MYT1L: variants seen among roughly 807,000 people sequenced by gnomAD.
MYT1L encodes the protein myelin transcription factor 1 like.
Under a neutral mutation model 126.7 loss-of-function variants are expected in MYT1L, and 12 were observed. The observed-to-expected ratio is 0.09, with a 90% CI of 0.06 to 0.15. MYT1L has a LOEUF of 0.15. MYT1L is among the 10% of genes least tolerant of loss of function. MYT1L has a pLI of 1.00. For synonymous variants in MYT1L, 541 were observed against 604.2 expected (o/e 0.90, Z 1.53); for missense variants, 979 against 1,585.2 (o/e 0.62, Z 6.49).
intron 1 of MYT1L, among the ~76,000 whole-genome samples, chr2:2,317,846 G>A (rs1258708967): frequency 6.6e-6 from 1 of 152,072 alleles, no homozygotes; most frequent in African/African-American, 2.4e-5. Flanking sequence ...TCATCCTCCT[G>A]ACCGTGCCCT....
chr2:2,259,065 T>C (rs2094889932), intron 2 of MYT1L, among the ~76,000 whole-genome samples: 2 of 9,542 alleles, frequency 2.1e-4, no homozygotes, highest in Non-Finnish European at 3.9e-4. Flanking sequence ...TATGCAGCCA[T>C]AAAAAATGAT....
At chr2:2,083,489 A>T (rs1334193725) in intron 3 of MYT1L, among the ~76,000 whole-genome samples, 1 of 152,226 alleles carries the variant, frequency 6.6e-6, no homozygotes, top group Non-Finnish European at 1.5e-5. Flanking sequence ...ACACAGTCTG[A>T]AGTGACTGAA....
rs1487162249 is a variant in MYT1L at position 1,791,372 on chromosome 2, T to C, written c.*495A>G. On this transcript the variant is annotated 3_prime_UTR_variant, in exon 25 of 25. Coordinates refer to ENST00000647738, the MANE Select transcript of MYT1L (RefSeq NM_001303052.2). The surrounding 1 kb of genome is among the most constrained non-coding windows in gnomAD (Gnocchi z 6.0). ...AAACAATATGCACACAAAATGTATT[T>C]CTTAAATTCCATAAAGTCCTCCAAC... 2 of 421,914 alleles carry C rather than the reference T, an allele frequency of 4.7e-6. No homozygotes were observed. The highest frequency in any genetic ancestry group is 4.8e-6 in the Non-Finnish European group (1 of 206,502). 26.1% of individuals were successfully genotyped at this position (421,914 alleles called of 1,614,324 possible).
intron 4 of MYT1L, among the ~76,000 whole-genome samples, chr2:2,040,107 G>A (rs552591008): frequency 2.6e-5 from 4 of 152,266 alleles, no homozygotes; most frequent in South Asian, 2.1e-4. Flanking sequence ...CACAGCTGGC[G>A]ATATGTGTCA....
intron 3 of MYT1L, among the ~76,000 whole-genome samples, chr2:2,161,705 GGAC>G (rs759287182): frequency 6.6e-5 from 10 of 152,172 alleles, no homozygotes; most frequent in Non-Finnish European, 1.3e-4. Flanking sequence ...ATGGTGCTGG[GGAC>G]GCCAGCTCCC....
At chr2:1,857,211 A>G (rs547412469) in intron 18 of MYT1L, among the ~76,000 whole-genome samples, 77 of 152,340 alleles carry the variant, frequency 5.1e-4, no homozygotes, top group African/African-American at 1.9e-3. Context: ...GTCCACCATC[A>G]TCTATCTCCA....
rs1217246027 is a variant in MYT1L at position 1,979,136 on chromosome 2, C to G, written c.152+29G>C. 11 of 1,587,498 alleles carry G rather than the reference C, an allele frequency of 6.9e-6. No individual in the cohort carries two copies. The South Asian group carries it at 1.2e-4, about 18-fold the overall frequency. On this transcript the variant is annotated intron_variant, in intron 8 of 24. Transcript: ENST00000647738. This position sits in a 1 kb window ranked among gnomAD's most constrained non-coding sequence, Gnocchi z 4.0. ...CCCAAATAAGTCACTTTAGACAGCACATTGTGGAAAAAAAAATGCAGGCAT... is the reference window on the plus strand; with the variant it reads ...CCCAAATAAGTCACTTTAGACAGCAGATTGTGGAAAAAAAAATGCAGGCAT...
chr2:2,285,696 C>T (rs2095509713), intron 1 of MYT1L, among the ~76,000 whole-genome samples: 1 of 152,210 alleles, frequency 6.6e-6, no homozygotes, highest in South Asian at 2.1e-4. Flanking sequence ...GAGCAGCACA[C>T]ATGTCAACTG....
intron 4 of MYT1L, among the ~76,000 whole-genome samples, chr2:2,028,592 G>A (rs1316881307): frequency 2.6e-5 from 4 of 152,174 alleles, no homozygotes; most frequent in Non-Finnish European, 5.9e-5. Flanking sequence ...GTAATATTTT[G>A]TGTATGGTGA....
At chr2:2,144,438 G>T (rs943516958) in intron 3 of MYT1L, among the ~76,000 whole-genome samples, 1 of 152,184 alleles carries the variant, frequency 6.6e-6, no homozygotes, top group African/African-American at 2.4e-5. Flanking sequence ...AGGCATAAAT[G>T]GAATTGTTCA....
chr2:2,141,423 G>A (rs1033580174), intron 3 of MYT1L, among the ~76,000 whole-genome samples: 1 of 152,074 alleles, frequency 6.6e-6, no homozygotes, highest in African/African-American at 2.4e-5. Flanking sequence ...AACCAATACA[G>A]AGAACACATT....
intron 21 of MYT1L, among the ~76,000 whole-genome samples, chr2:1,819,894 AGAG>A (rs2038257180): frequency 6.6e-6 from 1 of 152,208 alleles, no homozygotes; most frequent in African/African-American, 2.4e-5. Context: ...AGTGCCTTAC[AGAG>A]GAGAATGGAT....
intron 3 of MYT1L, among the ~76,000 whole-genome samples, chr2:2,058,268 C>T (rs1263244339): frequency 6.6e-6 from 1 of 152,192 alleles, no homozygotes; most frequent in African/African-American, 2.4e-5. Context: ...CATTTTCTTA[C>T]TACATTGTTT....
At chr2:2,031,258 A>C (rs543652506) in intron 4 of MYT1L, among the ~76,000 whole-genome samples, 85 of 152,334 alleles carry the variant, frequency 5.6e-4, no homozygotes, top group African/African-American at 2.0e-3. Context: ...GCTTGCATGA[A>C]AGAGGGCTGG....
intron 18 of MYT1L, chr2:1,885,326 ACT>A: frequency 6.5e-6 from 1 of 152,690 alleles, no homozygotes; most frequent in East Asian, 1.9e-4. Flanking sequence ...TCCATGAGGC[ACT>A]GTTTTGGATG....
intron 4 of MYT1L, among the ~76,000 whole-genome samples, chr2:2,026,432 A>C (rs772928964): frequency 3.9e-5 from 6 of 152,156 alleles, no homozygotes; most frequent in Non-Finnish European, 5.9e-5. Flanking sequence ...CAGGGATTCT[A>C]GCAGGGGTGG....
chr2:2,115,947 G>C (rs1049091528), intron 3 of MYT1L, among the ~76,000 whole-genome samples: 1 of 150,942 alleles, frequency 6.6e-6, no homozygotes, highest in Non-Finnish European at 1.5e-5. Flanking sequence ...CTGAGGCTGA[G>C]AAGTAGGATG....
chr2:2,294,014 C>T (rs2095637472), intron 1 of MYT1L, among the ~76,000 whole-genome samples: 2 of 151,982 alleles, frequency 1.3e-5, no homozygotes, highest in Non-Finnish European at 2.9e-5. Context: ...GATGGTCTTG[C>T]TTTAAAAAGT....
intron 21 of MYT1L, among the ~76,000 whole-genome samples, chr2:1,823,435 C>T (rs1260338117): frequency 1.3e-5 from 2 of 152,200 alleles, no homozygotes; most frequent in Admixed American, 1.3e-4. Flanking sequence ...GGCTTCGGCT[C>T]CGGGGTCCTG....
Sources: gnomAD v4.1 joint callset for allele counts (sites outside exome capture counted in the v4.1 genomes callset) on GRCh38, gnomAD v4.1.1 for gene constraint, Gnocchi (gnomAD v3.1) non-coding constraint, MANE v1.5 for transcripts, NCBI Gene and HGNC (gene_info 2026-07-23, HGNC 2026-07-21) for gene names.